IKBKE: variants seen among roughly 807,000 people sequenced by gnomAD.
IKBKE encodes the protein inhibitor of nuclear factor kappa B kinase subunit epsilon.
IKBKE carries 45 observed loss-of-function variants against 92.1 expected under a neutral mutation model. The ratio of observed to expected loss-of-function variants is 0.49; its 90% CI spans 0.38 to 0.63. The LOEUF (loss-of-function observed/expected upper bound fraction) is 0.63. IKBKE is among the 20% of genes least tolerant of loss of function. The pLI is 0.00. For missense variants in IKBKE, 700 were observed against 932.8 expected, an observed-to-expected ratio of 0.75 and a Z score of 3.25; for synonymous variants, 374 against 380.3, an observed-to-expected ratio of 0.98 and a Z score of 0.19.
Position 206,476,954 on chromosome 1 carries a change from A to AC in IKBKE, c.701+122dup, listed in dbSNP as rs375020954. The AC allele has an allele frequency of 2.9e-3, 3,151 of 1,088,878 alleles. 20 individuals are homozygous for AC. The highest frequency in any genetic ancestry group is 3.1e-3 in the Non-Finnish European group (2,356 of 756,752). 67.5% of individuals were successfully genotyped at this position (1,088,878 alleles called of 1,614,324 possible). A position where few individuals can be genotyped will look rare whatever the true frequency, so the allele number is the denominator to read the frequency against. ...ACACTCCATGGCCCTCCTCTGGTCC[A>AC]CCCCCCAACCCAGGCTCTTTGTAGA... On this transcript the variant is annotated intron_variant, in intron 7 of 21. Coordinates refer to ENST00000581977, the MANE Select transcript of IKBKE (RefSeq NM_014002.4). The surrounding 1 kb of genome is among the most constrained non-coding windows in gnomAD (Gnocchi z 5.1).
Position 206,475,107 on chromosome 1 carries a change from C to T in IKBKE, c.358+113C>T, listed in dbSNP as rs7513584. ...CTAATCATTCCATTTAAAATTCCAA[C>T]TTAAAAATTAAACCTAAAAAAGATT... is the stretch of plus-strand genomic sequence containing the variant. On this transcript the variant is annotated intron_variant, in intron 5 of 21. Transcript: ENST00000581977. 2.6e-3 allele frequency: 3,130 copies of T among 1,186,674 alleles called. 74 individuals are homozygous for T. In the African/African-American group the frequency reaches 0.044, roughly 17 times the overall value. 73.5% of individuals were successfully genotyped at this position (1,186,674 alleles called of 1,614,324 possible).
At position 206,479,809 on chromosome 1, in the gene IKBKE, GA is replaced by G. The variant is rs1270786244; in HGVS notation, c.1184-58del. 2.4e-5 allele frequency: 37 copies of G among 1,551,932 alleles called. No homozygotes were observed. In the Admixed American group the frequency reaches 3.9e-4, roughly 16 times the overall value. ...GGGGTGAGTGTGAGCTGGAAATAAT[GA>G]AAGATAAGCCGACCCAGCACCATAC... On this transcript the variant is annotated intron_variant, in intron 10 of 21. Coordinates refer to ENST00000581977, the MANE Select transcript of IKBKE (RefSeq NM_014002.4).
rs1164450464 is a variant in IKBKE at position 206,480,647 on chromosome 1, C to T, written c.1427+114C>T. ...CCCCCAAGCCAGGGCTACTGCCTTC[C>T]CTGCCCTCCTAGAATAGAGGGCACC... On this transcript the variant is annotated intron_variant, in intron 13 of 21. Coordinates refer to ENST00000581977, the MANE Select transcript of IKBKE (RefSeq NM_014002.4). The T allele has an allele frequency of 4.6e-5, 36 of 788,550 alleles. No individual in the cohort carries two copies. In the African/African-American group the frequency reaches 4.8e-4, roughly 10 times the overall value. The allele number at this position is 788,550 out of a possible 1,614,324, so 48.8% of individuals were successfully genotyped here. A position where few individuals can be genotyped will look rare whatever the true frequency, so the allele number is the denominator to read the frequency against.
At chr1:206,471,674 C>T (rs553058257) in intron 2 of IKBKE, among the ~76,000 whole-genome samples, 1 of 152,320 alleles carries the variant, frequency 6.6e-6, no homozygotes, top group African/African-American at 2.4e-5. Context: ...TCATGCTGAG[C>T]TACTGTGTTG....
chr1:206,496,625 G>A lies in IKBKE; in HGVS notation c.*480G>A, dbSNP rs15672. The A allele has an allele frequency of 0.44, 104,033 of 234,980 alleles. 23,496 individuals are homozygous for A. Among genetic ancestry groups the A allele is most frequent in the South Asian group, 0.58 (3,304 of 5,688 alleles). The allele number at this position is 234,980 out of a possible 1,614,324, so 14.6% of individuals were successfully genotyped here. A position where few individuals can be genotyped will look rare whatever the true frequency, so the allele number is the denominator to read the frequency against. On this transcript the variant is annotated 3_prime_UTR_variant, in exon 22 of 22. Transcript: ENST00000581977. Reference sequence around the variant, plus strand: ...TTTCATGTTGAACACAGCTCTCTCCGCTCCCTTGTGATTTCTGAGGGTCAC... The same window carrying A: ...TTTCATGTTGAACACAGCTCTCTCCACTCCCTTGTGATTTCTGAGGGTCAC...
chr1:206,482,941 C>A (rs951858657), intron 13 of IKBKE, among the ~76,000 whole-genome samples: 7 of 152,268 alleles, frequency 4.6e-5, no homozygotes, highest in African/African-American at 1.7e-4. Context: ...CTTTGCCCAT[C>A]CTGGTGACCC....
intron 13 of IKBKE, among the ~76,000 whole-genome samples, chr1:206,484,060 T>C (rs770965277): frequency 5.3e-5 from 8 of 151,152 alleles, no homozygotes; most frequent in Non-Finnish European, 8.9e-5. Flanking sequence ...AAAGTGCTGG[T>C]ATTACCGGTG....
At chr1:206,483,364 C>A (rs1237097562) in intron 13 of IKBKE, among the ~76,000 whole-genome samples, 4 of 152,234 alleles carry the variant, frequency 2.6e-5, no homozygotes, top group African/African-American at 9.6e-5. Flanking sequence ...GCCTCACCCT[C>A]TTCTGCCGTC....
Position 206,476,274 on chromosome 1 carries a change from G to A in IKBKE, c.452G>A (p.Ser151Asn). The part of the protein sequence containing the change: ...IMRLVGEEGQ[S>N]IYKLTDFGAA... The stretch of plus-strand genomic sequence containing the variant: ...CGCCTCGTAGGGGAGGAGGGGCAGA[G>A]CATCTACAAGCTGACAGACTTCGGC... The change falls in exon 6 of 22, where the codon AGC (serine) becomes AAC (asparagine). Residue 151 changes from serine (S) to asparagine (N), a missense_variant. Ser to Asn is a conservative substitution (Grantham distance 46, BLOSUM62 1). Coordinates refer to ENST00000581977, the MANE Select transcript of IKBKE (RefSeq NM_014002.4). The surrounding 1 kb of genome is among the most constrained non-coding windows in gnomAD (Gnocchi z 5.1). The A allele has an allele frequency of 6.2e-7, 1 of 1,614,126 alleles. No individual in the cohort carries two copies. The highest frequency in any genetic ancestry group is 8.5e-7 in the Non-Finnish European group (1 of 1,179,982).
chr1:206,474,927 G>A lies in IKBKE; in HGVS notation c.291G>A (p.Val97=), dbSNP rs1664978745. 1 of 1,614,126 alleles carries A rather than the reference G, an allele frequency of 6.2e-7. No individual in the cohort carries two copies. Among genetic ancestry groups the A allele is most frequent in the Non-Finnish European group, 8.5e-7 (1 of 1,180,008 alleles). The change falls in exon 5 of 22, where the codon GTG becomes GTA. Residue 97 remains valine, a synonymous_variant. Coordinates refer to ENST00000581977, the MANE Select transcript of IKBKE (RefSeq NM_014002.4). ...EYCSSGSLLS[V]LESPENAFGL... ...GCTCCAGTGGGAGCCTGCTGAGTGT[G>A]CTGGAGAGCCCTGAGAATGCCTTTG... is the stretch of plus-strand genomic sequence containing the variant.
chr1:206,491,216 C>T (rs781847832), intron 17 of IKBKE: 61 of 401,772 alleles, frequency 1.5e-4, no homozygotes, highest in Middle Eastern at 7.1e-4. Context: ...CCATGTTTCC[C>T]GGACACACTC....
chr1:206,473,227 G>T lies in IKBKE; in HGVS notation c.-1G>T, dbSNP rs139519002. On this transcript the variant is annotated 5_prime_UTR_variant, in exon 3 of 22. Coordinates refer to ENST00000581977, the MANE Select transcript of IKBKE (RefSeq NM_014002.4). ...GGTGACCAGCCAGCTCAGGGCAGGA[G>T]ATGCAGAGCACAGCCAATTACCTGT... 1.9e-5 allele frequency: 31 copies of T among 1,611,110 alleles called. No homozygotes were observed. Among genetic ancestry groups the T allele is most frequent in the Non-Finnish European group, 2.5e-5 (30 of 1,178,494 alleles).
intron 10 of IKBKE, among the ~76,000 whole-genome samples, chr1:206,479,340 C>T (rs782390433): frequency 2.6e-5 from 4 of 152,186 alleles, no homozygotes; most frequent in Non-Finnish European, 4.4e-5. Flanking sequence ...CTGGGGCTTA[C>T]TGGCATCCTC....
At chr1:206,483,839 T>A (rs12409804) in intron 13 of IKBKE, among the ~76,000 whole-genome samples, 37,713 of 152,186 alleles carry the variant, frequency 0.25, 5,318 homozygotes, top group East Asian at 0.63. Context: ...ACATCTGCTG[T>A]CCCACCTTCT....
intron 21 of IKBKE, among the ~76,000 whole-genome samples, chr1:206,494,778 A>G (rs1474877107): frequency 1.3e-5 from 2 of 150,400 alleles, no homozygotes; most frequent in Admixed American, 6.6e-5. Context: ...TAATTTTTAT[A>G]TTTTTAGTAG....
rs2103462999 is a variant in IKBKE at position 206,480,002 on chromosome 1, T to C, written c.1249-20T>C. On this transcript the variant is annotated intron_variant, in intron 11 of 21. Coordinates refer to ENST00000581977, the MANE Select transcript of IKBKE (RefSeq NM_014002.4). ...GGGTAGGAGGTGTGGGACCTGGCCCTGTGCATCTCTGTGTTTCAGGGCGTG... is the reference window on the plus strand; with the variant it reads ...GGGTAGGAGGTGTGGGACCTGGCCCCGTGCATCTCTGTGTTTCAGGGCGTG... 1 of 1,610,998 alleles carries C rather than the reference T, an allele frequency of 6.2e-7. No homozygotes were observed. Among genetic ancestry groups the C allele is most frequent in the Non-Finnish European group, 8.5e-7 (1 of 1,178,792 alleles).
Position 206,485,313 on chromosome 1 carries a change from G to A in IKBKE, c.1616+7G>A. On this transcript the variant is annotated splice_region_variant and intron_variant, in intron 15 of 21. Transcript: ENST00000581977. The surrounding 1 kb of genome is among the most constrained non-coding windows in gnomAD (Gnocchi z 5.0). Reference sequence around the variant, plus strand: ...AGGTACATGAGGACAGAAGGTCTGTGGGATTTTCCTTCTTTGTGGGGTGGG... The same window carrying A: ...AGGTACATGAGGACAGAAGGTCTGTAGGATTTTCCTTCTTTGTGGGGTGGG... 6.4e-7 allele frequency: 1 copy of A among 1,574,634 alleles called. No homozygotes were observed. Among genetic ancestry groups the A allele is most frequent in the South Asian group, 1.1e-5 (1 of 90,258 alleles).
chr1:206,493,822 T>C, intron 20 of IKBKE, 98 bp from the exon 21 acceptor site: 1 of 854,024 alleles, frequency 1.2e-6, no homozygotes, highest in Non-Finnish European at 1.9e-6. Flanking sequence ...AAGAGGCTTC[T>C]TTGGTGGGGC....
intron 21 of IKBKE, among the ~76,000 whole-genome samples, chr1:206,494,958 T>C (rs1553391756): frequency 1.5e-5 from 2 of 130,592 alleles, no homozygotes; most frequent in African/African-American, 5.8e-5. Flanking sequence ...TACCAGCTGC[T>C]CACATAACCA....
Sources: allele counts gnomAD v4.1 joint callset (sites outside exome capture counted in the v4.1 genomes callset), GRCh38; gene constraint gnomAD v4.1.1; non-coding constraint Gnocchi (gnomAD v3.1); transcripts MANE v1.5; gene names NCBI Gene and HGNC (gene_info 2026-07-23, HGNC 2026-07-21).